HDAC9: variants seen among roughly 807,000 people sequenced by gnomAD.
HDAC9 encodes histone deacetylase 9, also known as MEF-2 interacting transcription repressor (MITR) protein.
Under a neutral mutation model 139.4 loss-of-function variants are expected in HDAC9, and 41 were observed. The observed-to-expected ratio is 0.29, with a 90% CI of 0.23 to 0.38. The LOEUF is 0.38. Ranked by LOEUF, HDAC9 falls within the 10% of genes least tolerant of loss-of-function variation. HDAC9 has a pLI of 1.00. For missense variants in HDAC9, 1,147 were observed against 1,297.0 expected (o/e 0.88, Z 1.78); for synonymous variants, 517 against 476.2 (o/e 1.09, Z -1.12).
chr7:18,936,978 A>C lies in HDAC9; in HGVS notation c.2937+1036A>C, dbSNP rs186051447. Among the ~76,000 whole-genome samples the C allele has an allele frequency of 2.2e-3, 336 of 152,076 alleles. 2 individuals carry two copies. The highest frequency in any genetic ancestry group is 7.8e-3 in the African/African-American group (324 of 41,508). ...AAAATGTATGTTGTTAATTTGAAGA[A>C]AAAATATGAGAGAGAAAACTTAAGC... is the stretch of plus-strand genomic sequence containing the variant. On this transcript the variant is annotated intron_variant, in intron 23 of 25. Transcript: ENST00000686413.
chr7:18,375,952 T>C (rs1784966713), intron 1 of HDAC9, among the ~76,000 whole-genome samples: 1 of 152,244 alleles, frequency 6.6e-6, no homozygotes, highest in Non-Finnish European at 1.5e-5. Context: ...GAATGTATTG[T>C]ACAATTTCCA....
At chr7:18,900,692 C>T (rs1339150699) in intron 22 of HDAC9, among the ~76,000 whole-genome samples, 1 of 152,070 alleles carries the variant, frequency 6.6e-6, no homozygotes, top group Non-Finnish European at 1.5e-5. Context: ...CAGAACTGCC[C>T]ACCATAAAAA....
intron 17 of HDAC9, among the ~76,000 whole-genome samples, chr7:18,822,216 G>A (rs1456119062): frequency 1.3e-5 from 2 of 152,256 alleles, no homozygotes; most frequent in Middle Eastern, 3.4e-3. Context: ...TCATATTGTT[G>A]GTTCCTCTGG....
chr7:18,245,796 G>T (rs114284739), intron 2 of HDAC9, among the ~76,000 whole-genome samples: 2,200 of 152,162 alleles, frequency 0.014, 56 homozygotes, highest in African/African-American at 0.05. Context: ...AGGGAGTTTT[G>T]TGCTCGTTTG....
chr7:18,475,053 G>A lies in HDAC9; in HGVS notation c.-41-21209G>A, dbSNP rs570971142. Among the ~76,000 whole-genome samples, 3 of 152,338 alleles carry A rather than the reference G, an allele frequency of 2.0e-5. No homozygotes were observed. In the South Asian group the frequency reaches 6.2e-4, roughly 32 times the overall value. On this transcript the variant is annotated intron_variant, in intron 1 of 3. Coordinates refer to the HDAC9 transcript ENST00000413509. The stretch of plus-strand genomic sequence containing the variant: ...TATAGGCTGTGGATTTACCCTGTGG[G>A]TTTTGTGGCAGCTCAGGCTTCAAGC...
At position 18,265,905 on chromosome 7, in the gene HDAC9, A is replaced by G. The variant is rs569849056; in HGVS notation, c.25+103556A>G. On this transcript the variant is annotated intron_variant, in intron 2 of 12. Coordinates refer to the HDAC9 transcript ENST00000417496. ...AGTATTTTAAGAATCTTTGCAGACAATTATGGAGATTATTCTATAATACCA... is the reference window on the plus strand; with the variant it reads ...AGTATTTTAAGAATCTTTGCAGACAGTTATGGAGATTATTCTATAATACCA... Among the ~76,000 whole-genome samples, 7 of 152,320 alleles carry G rather than the reference A, an allele frequency of 4.6e-5. No individual in the cohort carries two copies. The East Asian group carries it at 5.8e-4, about 13-fold the overall frequency.
intron 2 of HDAC9, among the ~76,000 whole-genome samples, chr7:18,284,498 G>C (rs550372598): frequency 1.3e-5 from 2 of 152,238 alleles, no homozygotes; most frequent in African/African-American, 4.8e-5. Context: ...GACAAGAAAA[G>C]TGTGTTTGAA....
chr7:18,487,151 C>T (rs1796033200), intron 1 of HDAC9, among the ~76,000 whole-genome samples: 1 of 151,456 alleles, frequency 6.6e-6, no homozygotes, highest in Admixed American at 6.6e-5. Flanking sequence ...GAGAGTGATG[C>T]CTAAAATAAA....
chr7:18,581,362 G>A (rs1264987486), intron 2 of HDAC9, among the ~76,000 whole-genome samples: 1 of 152,112 alleles, frequency 6.6e-6, no homozygotes, highest in South Asian at 2.1e-4. Flanking sequence ...TCACAATTTA[G>A]TGATTAGTCT....
At chr7:18,781,272 G>A (rs1791226816) in intron 16 of HDAC9, among the ~76,000 whole-genome samples, 1 of 151,974 alleles carries the variant, frequency 6.6e-6, no homozygotes, top group African/African-American at 2.4e-5. Context: ...GAATTCTGAG[G>A]AAACACAATT....
chr7:18,453,520 C>T (rs779761309), intron 1 of HDAC9, among the ~76,000 whole-genome samples: 7 of 152,100 alleles, frequency 4.6e-5, no homozygotes, highest in Non-Finnish European at 7.4e-5. Context: ...TGAGGTTTGT[C>T]GGAAAAGAAT....
chr7:18,155,050 T>C (rs144287605), intron 1 of HDAC9, among the ~76,000 whole-genome samples: 1 of 152,098 alleles, frequency 6.6e-6, no homozygotes, highest in Non-Finnish European at 1.5e-5. Context: ...GTCCAGTGTG[T>C]ATTTACAGGT....
At chr7:18,109,935 C>T (rs1165494977) in intron 1 of HDAC9, among the ~76,000 whole-genome samples, 2 of 152,204 alleles carry the variant, frequency 1.3e-5, no homozygotes, top group African/African-American at 4.8e-5. Flanking sequence ...TTTCATTCCT[C>T]ATTTTCTGCA....
intron 1 of HDAC9, among the ~76,000 whole-genome samples, chr7:18,333,610 C>T (rs1376064052): frequency 6.6e-6 from 1 of 151,408 alleles, no homozygotes. Flanking sequence ...CAAAATGGTG[C>T]ACCTTATGAG....
intron 1 of HDAC9, among the ~76,000 whole-genome samples, chr7:18,125,138 C>T (rs2731567): frequency 1.3e-5 from 2 of 152,014 alleles, no homozygotes; most frequent in African/African-American, 4.8e-5. Context: ...GAAGTTGACT[C>T]GTGGCTGAGA....
chr7:18,248,437 A>G (rs1247380267), intron 2 of HDAC9, among the ~76,000 whole-genome samples: 1 of 152,194 alleles, frequency 6.6e-6, no homozygotes, highest in Non-Finnish European at 1.5e-5. Flanking sequence ...CTGGAAAAGT[A>G]GCTGTATCAT....
intron 1 of HDAC9, among the ~76,000 whole-genome samples, chr7:18,394,932 A>G (rs941955651): frequency 6.6e-6 from 1 of 152,176 alleles, no homozygotes; most frequent in African/African-American, 2.4e-5. Context: ...AACATAATTT[A>G]ACAAAATAAG....
chr7:18,397,627 T>A (rs1787177005), intron 1 of HDAC9, among the ~76,000 whole-genome samples: 1 of 152,192 alleles, frequency 6.6e-6, no homozygotes, highest in African/African-American at 2.4e-5. Context: ...CATTCAGAAA[T>A]GCAATCTGCT....
chr7:18,532,315 G>A (rs1052462960), intron 2 of HDAC9, among the ~76,000 whole-genome samples: 2 of 152,114 alleles, frequency 1.3e-5, no homozygotes, highest in East Asian at 3.9e-4. Context: ...CCATACTAAG[G>A]CATCACATTT....
Sources: allele counts gnomAD v4.1 joint callset (sites outside exome capture counted in the v4.1 genomes callset), GRCh38; gene constraint gnomAD v4.1.1; transcripts MANE v1.5; gene names NCBI Gene and HGNC (gene_info 2026-07-23, HGNC 2026-07-21).